Variants in OTUD1 observed in about 807,000 individuals in gnomAD.
OTUD1 encodes OTU deubiquitinase 1.
Under a neutral mutation model 30.0 loss-of-function variants are expected in OTUD1, and 15 were observed. The observed-to-expected ratio is 0.50, with a 90% confidence interval of 0.33 to 0.77. The LOEUF (loss-of-function observed/expected upper bound fraction) is 0.77. OTUD1 is among the 30% of genes least tolerant of loss of function. The pLI, the probability that OTUD1 is intolerant of heterozygous loss-of-function variation, is 0.02. For synonymous variants in OTUD1, 381 were observed against 326.3 expected, an observed-to-expected ratio of 1.17 and a Z score of -1.81; for missense variants, 796 against 697.8, an observed-to-expected ratio of 1.14 and a Z score of -1.59.
Position 23,440,783 on chromosome 10 carries a change from C to T in OTUD1, c.1326C>T (p.Asn442=). The change falls in exon 1 of 1, where the codon AAC becomes AAT. Residue 442 remains asparagine, a synonymous_variant. Coordinates refer to ENST00000376495, the MANE Select transcript of OTUD1 (RefSeq NM_001145373.3). ...YDAVFDHSYP[N]PEYDNWCKQT... ...CTGTATTTGATCACTCCTATCCTAA[C>T]CCAGAGTACGACAACTGGTGCAAAC... 1 of 1,552,206 alleles carries T rather than the reference C, an allele frequency of 6.4e-7. No individual in the cohort carries two copies. Among genetic ancestry groups the T allele is most frequent in the South Asian group, 1.2e-5 (1 of 84,064 alleles).
In OTUD1 at chr10:23,440,659, A is replaced by G; in HGVS notation, c.1202A>G (p.Glu401Gly). 6.4e-7 allele frequency: 1 copy of G among 1,551,810 alleles called. No individual in the cohort carries two copies. Among genetic ancestry groups the G allele is most frequent in the Non-Finnish European group, 8.7e-7 (1 of 1,147,022 alleles). The change falls in exon 1 of 1, where the codon GAG (glutamate) becomes GGG (glycine). Residue 401 changes from glutamate to glycine, a missense_variant. Physicochemically the swap from Glu to Gly is moderately conservative, Grantham distance 98. Coordinates refer to ENST00000376495, the MANE Select transcript of OTUD1 (RefSeq NM_001145373.3). Reference protein sequence around the residue: ...NIHLTTGGRLESPTVSTMIHY... With the variant: ...NIHLTTGGRLGSPTVSTMIHY... ...CATTTAACTACTGGAGGGAGGCTGG[A>G]GAGTCCCACGGTGTCTACCATGATT...
In OTUD1 at chr10:23,440,195, G is replaced by T; in HGVS notation, c.738G>T (p.Ala246=). The T allele has an allele frequency of 6.8e-7, 1 of 1,472,218 alleles. No homozygotes were observed. The allele number at this position is 1,472,218 out of a possible 1,614,324, so 91.2% of individuals were successfully genotyped here. The change falls in exon 1 of 1, where the codon GCG becomes GCT. Residue 246 remains alanine (A), a synonymous_variant. Transcript: ENST00000376495. Reference sequence around the variant, plus strand: ...AGAGGGGCGGCGATCGCTGCGACGCGCCCGGTGGGGACGCGGCGCGGAGGC... The same window carrying T: ...AGAGGGGCGGCGATCGCTGCGACGCTCCCGGTGGGGACGCGGCGCGGAGGC... ...GWERGGDRCD[A]PGGDAARRPD...
chr10:23,440,957 G>A lies in OTUD1; in HGVS notation c.*54G>A. ...TAATTGCATATATAACTTGTGTTTG[G>A]AGAATCACATGAACTTTAATCAGGG... On this transcript the variant is annotated 3_prime_UTR_variant, in exon 1 of 1. Transcript: ENST00000376495. The A allele has an allele frequency of 6.7e-7, 1 of 1,489,376 alleles. No homozygotes were observed. The highest frequency in any genetic ancestry group is 9.0e-7 in the Non-Finnish European group (1 of 1,112,024). 92.3% of individuals were successfully genotyped at this position (1,489,376 alleles called of 1,614,324 possible). A position where few individuals can be genotyped will look rare whatever the true frequency, so the allele number is the denominator to read the frequency against.
rs147006133 is a variant in OTUD1 at position 23,439,541 on chromosome 10, C to T, written c.84C>T (p.Ala28=). 8.4e-3 allele frequency: 11,663 copies of T among 1,380,678 alleles called. 99 individuals carry two copies. The highest frequency in any genetic ancestry group is 0.057 in the Middle Eastern group (214 of 3,742). 85.5% of individuals were successfully genotyped at this position (1,380,678 alleles called of 1,614,324 possible). A position where few individuals can be genotyped will look rare whatever the true frequency, so the allele number is the denominator to read the frequency against. Residue 28 remains alanine, a synonymous_variant, in exon 1 of 1, where the codon GCC becomes GCT. Coordinates refer to ENST00000376495, the MANE Select transcript of OTUD1 (RefSeq NM_001145373.3). ...PTAAAPAPPA[A]ATPFKVSLQP... ...CCGCCGCCCCCGCGCCACCCGCCGC[C>T]GCTACCCCCTTCAAGGTCTCGCTGC...
In OTUD1 at chr10:23,441,020, A is replaced by AG. The variant is rs762765813; in HGVS notation, c.*119dup. ...CAAACTTGCTAGTAGATTTTACTGT[A>AG]GGTGTAATGCCTTAATCATCTTTTT... On this transcript the variant is annotated 3_prime_UTR_variant, in exon 1 of 1. Coordinates refer to ENST00000376495, the MANE Select transcript of OTUD1 (RefSeq NM_001145373.3). 7 of 1,081,034 alleles carry AG rather than the reference A, an allele frequency of 6.5e-6. No homozygotes were observed. Among genetic ancestry groups the AG allele is most frequent in the Non-Finnish European group, 9.2e-6 (7 of 760,172 alleles). The allele number at this position is 1,081,034 out of a possible 1,614,324, so 67.0% of individuals were successfully genotyped here.
rs1194354857 is a variant in OTUD1, at chr10:23,440,541, G to A, written c.1084G>A (p.Val362Met). 1.3e-6 allele frequency: 2 copies of A among 1,551,720 alleles called. No homozygotes were observed. The highest frequency in any genetic ancestry group is 1.7e-6 in the Non-Finnish European group (2 of 1,147,010). Reference protein sequence around the residue: ...DHFSPLIEGDVGEFIIAAAQD... With the variant: ...DHFSPLIEGDMGEFIIAAAQD... ...CTTCAGCCCCCTGATTGAGGGCGAC[G>A]TGGGGGAGTTTATCATCGCTGCTGC... The change falls in exon 1 of 1, where the codon GTG becomes ATG. Residue 362 changes from valine (V) to methionine (M), a missense_variant. Physicochemically the swap from Val to Met is conservative, Grantham distance 21 (BLOSUM62 1). Coordinates refer to ENST00000376495, the MANE Select transcript of OTUD1 (RefSeq NM_001145373.3).
rs1847115476 is a variant in OTUD1, at chr10:23,440,441, G to C, written c.984G>C (p.Thr328=). ...GCCTCTACCGAGCTGTCAGCAAGACGGTGTATGGGGACCAGAGCCTGCACC... is the reference window on the plus strand; with the variant it reads ...GCCTCTACCGAGCTGTCAGCAAGACCGTGTATGGGGACCAGAGCCTGCACC... The part of the protein sequence containing the change: ...GNCLYRAVSK[T]VYGDQSLHRE... The change falls in exon 1 of 1, where the codon ACG becomes ACC. Residue 328 remains threonine (T), a synonymous_variant. Transcript: ENST00000376495. 1 of 1,551,734 alleles carries C rather than the reference G, an allele frequency of 6.4e-7. No homozygotes were observed. The highest frequency in any genetic ancestry group is 8.7e-7 in the Non-Finnish European group (1 of 1,147,002).
Position 23,439,785 on chromosome 10 carries a change from TCCACCGCACAGA to T in OTUD1, c.329_340del (p.Ser110_Ile114delinsPhe). On this transcript the variant is annotated inframe_deletion, in exon 1 of 1. Coordinates refer to ENST00000376495, the MANE Select transcript of OTUD1 (RefSeq NM_001145373.3). ...GCCGCCGCTGCCGCCGCACTACACG[TCCACCGCACAGA>T]TCACCGTGCGGGCCCTGGGCGCCGA... The T allele has an allele frequency of 1.6e-5, 18 of 1,150,906 alleles. No homozygotes were observed. The highest frequency in any genetic ancestry group is 1.9e-5 in the Non-Finnish European group (18 of 938,702). The allele number at this position is 1,150,906 out of a possible 1,614,324, so 71.3% of individuals were successfully genotyped here.
In OTUD1 at chr10:23,440,237, G is replaced by C. The variant is rs1452146909; in HGVS notation, c.780G>C (p.Glu260Asp). The C allele has an allele frequency of 1.9e-5, 29 of 1,540,520 alleles. No individual in the cohort carries two copies. Among genetic ancestry groups the C allele is most frequent in the Non-Finnish European group, 2.4e-5 (27 of 1,140,262 alleles). The change falls in exon 1 of 1, where the codon GAG becomes GAC. Residue 260 changes from glutamate (E) to aspartate (D), a missense_variant. Coordinates refer to ENST00000376495, the MANE Select transcript of OTUD1 (RefSeq NM_001145373.3). Reference sequence around the variant, plus strand: ...CGCGGAGGCCCGACCCAGAGGCCGAGGCACCCCCCGCCGGGAGCATCGAGG... The same window carrying C: ...CGCGGAGGCCCGACCCAGAGGCCGACGCACCCCCCGCCGGGAGCATCGAGG... ...DAARRPDPEA[E>D]APPAGSIEAA...
chr10:23,439,538 C>A lies in OTUD1; in HGVS notation c.81C>A (p.Ala27=). The A allele has an allele frequency of 2.2e-6, 3 of 1,361,582 alleles. No homozygotes were observed. The highest frequency in any genetic ancestry group is 2.8e-6 in the Non-Finnish European group (3 of 1,057,838). The allele number at this position is 1,361,582 out of a possible 1,614,324, so 84.3% of individuals were successfully genotyped here. The change falls in exon 1 of 1, where the codon GCC becomes GCA. Residue 27 remains alanine, a synonymous_variant. Transcript: ENST00000376495. ...CGGCCGCCGCCCCCGCGCCACCCGC[C>A]GCCGCTACCCCCTTCAAGGTCTCGC... The part of the protein sequence containing the change: ...GPTAAAPAPP[A]AATPFKVSLQ...
chr10:23,439,636 A>G lies in OTUD1; in HGVS notation c.179A>G (p.Glu60Gly), dbSNP rs2132479911. ...GAGTGCCAGCCCGCCGCGGCCGCCG[A>G]GCACCGGGAAGCCGCCGCTGTCCCC... The part of the protein sequence containing the change: ...TGECQPAAAA[E>G]HREAAAVPAA... The change falls in exon 1 of 1, where the codon GAG (glutamate) becomes GGG (glycine). Residue 60 changes from glutamate (E) to glycine (G), a missense_variant. Physicochemically the swap from Glu to Gly is moderately conservative, Grantham distance 98. Coordinates refer to ENST00000376495, the MANE Select transcript of OTUD1 (RefSeq NM_001145373.3). The G allele has an allele frequency of 7.7e-7, 1 of 1,292,444 alleles. No individual in the cohort carries two copies. The highest frequency in any genetic ancestry group is 9.8e-7 in the Non-Finnish European group (1 of 1,016,540). 80.1% of individuals were successfully genotyped at this position (1,292,444 alleles called of 1,614,324 possible).
At position 23,441,353 on chromosome 10, in the gene OTUD1, A is replaced by G. The variant is rs2132481362; in HGVS notation, c.*450A>G. The stretch of plus-strand genomic sequence containing the variant: ...TGTATTATTTTGAACAGAGTTTGTG[A>G]TTTGGTAGTTATTTTATGTTGTTGA... On this transcript the variant is annotated 3_prime_UTR_variant, in exon 1 of 1. Transcript: ENST00000376495. 1 of 170,174 alleles carries G rather than the reference A, an allele frequency of 5.9e-6. No individual in the cohort carries two copies. The highest frequency in any genetic ancestry group is 3.3e-3 in the Middle Eastern group (1 of 300). The allele number at this position is 170,174 out of a possible 1,614,324, so 10.5% of individuals were successfully genotyped here.
In OTUD1 at chr10:23,440,906, T is replaced by C. The variant is rs1409088505; in HGVS notation, c.*3T>C. ...TTGAACAAAATGCATGCTCTTGAAA[T>C]GTCTCAAAACCTTACACCCTGGGAA... is the stretch of plus-strand genomic sequence containing the variant. On this transcript the variant is annotated 3_prime_UTR_variant, in exon 1 of 1. Coordinates refer to ENST00000376495, the MANE Select transcript of OTUD1 (RefSeq NM_001145373.3). The C allele has an allele frequency of 1.9e-6, 3 of 1,548,774 alleles. No homozygotes were observed. The Middle Eastern group carries it at 5.0e-4, about 259-fold the overall frequency.
chr10:23,440,410 G>T lies in OTUD1; in HGVS notation c.953G>T (p.Gly318Val). ...TACCGATTCCACATCATTCCAGACG[G>T]CAACTGCCTCTACCGAGCTGTCAGC... Reference protein sequence around the residue: ...NKYRFHIIPDGNCLYRAVSKT... With the variant: ...NKYRFHIIPDVNCLYRAVSKT... The change falls in exon 1 of 1, where the codon GGC becomes GTC. Residue 318 changes from glycine (G) to valine (V), a missense_variant. Gly to Val is a moderately radical substitution (Grantham distance 109). Transcript: ENST00000376495. 1 of 1,551,654 alleles carries T rather than the reference G, an allele frequency of 6.4e-7. No individual in the cohort carries two copies. The highest frequency in any genetic ancestry group is 8.7e-7 in the Non-Finnish European group (1 of 1,147,004).
chr10:23,439,801 C>G lies in OTUD1; in HGVS notation c.344C>G (p.Thr115Ser). The G allele has an allele frequency of 8.8e-7, 1 of 1,133,526 alleles. No individual in the cohort carries two copies. The highest frequency in any genetic ancestry group is 1.1e-6 in the Non-Finnish European group (1 of 928,042). 70.2% of individuals were successfully genotyped at this position (1,133,526 alleles called of 1,614,324 possible). Residue 115 changes from threonine to serine, a missense_variant, in exon 1 of 1, where the codon ACC becomes AGC. Transcript: ENST00000376495. ...PPHYTSTAQI[T>S]VRALGADRLL... ...CACTACACGTCCACCGCACAGATCACCGTGCGGGCCCTGGGCGCCGACAGG... is the reference window on the plus strand; with the variant it reads ...CACTACACGTCCACCGCACAGATCAGCGTGCGGGCCCTGGGCGCCGACAGG...
In OTUD1 at chr10:23,442,011, T is replaced by C. The variant is rs1432399749; in HGVS notation, c.*1108T>C. ...AACAATGTTTCCAACTTAAAATCAA[T>C]CTCATTGCCACTTTAACTACTTTTA... On this transcript the variant is annotated 3_prime_UTR_variant, in exon 1 of 1. Transcript: ENST00000376495. 1 of 167,010 alleles carries C rather than the reference T, an allele frequency of 6.0e-6. No homozygotes were observed. The highest frequency in any genetic ancestry group is 1.5e-5 in the Non-Finnish European group (1 of 68,130). The allele number at this position is 167,010 out of a possible 1,614,324, so 10.3% of individuals were successfully genotyped here.
rs1047486128 is a variant in OTUD1, at chr10:23,439,700, G to T, written c.243G>T (p.Val81=). Residue 81 remains valine (V), a synonymous_variant, in exon 1 of 1, where the codon GTG becomes GTT. Coordinates refer to ENST00000376495, the MANE Select transcript of OTUD1 (RefSeq NM_001145373.3). The part of the protein sequence containing the change: ...KMPAFSSCFE[V]VSGAAAPASA... Reference sequence around the variant, plus strand: ...CCGCCTTCTCCTCCTGCTTCGAGGTGGTGTCCGGGGCCGCCGCGCCCGCCT... The same window carrying T: ...CCGCCTTCTCCTCCTGCTTCGAGGTTGTGTCCGGGGCCGCCGCGCCCGCCT... The T allele has an allele frequency of 3.0e-5, 38 of 1,252,076 alleles. No homozygotes were observed. Among genetic ancestry groups the T allele is most frequent in the Non-Finnish European group, 3.5e-5 (35 of 992,678 alleles). The allele number at this position is 1,252,076 out of a possible 1,614,324, so 77.6% of individuals were successfully genotyped here. A position where few individuals can be genotyped will look rare whatever the true frequency, so the allele number is the denominator to read the frequency against.
chr10:23,439,677 G>A lies in OTUD1; in HGVS notation c.220G>A (p.Ala74Thr), dbSNP rs1847104239. 5.4e-6 allele frequency: 7 copies of A among 1,291,380 alleles called. No individual in the cohort carries two copies. Among genetic ancestry groups the A allele is most frequent in the Non-Finnish European group, 6.9e-6 (7 of 1,012,050 alleles). 80.0% of individuals were successfully genotyped at this position (1,291,380 alleles called of 1,614,324 possible). A position where few individuals can be genotyped will look rare whatever the true frequency, so the allele number is the denominator to read the frequency against. Residue 74 changes from alanine to threonine, a missense_variant, in exon 1 of 1, where the codon GCC (alanine) becomes ACC (threonine). Physicochemically the swap from Ala to Thr is moderately conservative, Grantham distance 58. Transcript: ENST00000376495. ...CGCTGTCCCCGCCGCCAAGATGCCCGCCTTCTCCTCCTGCTTCGAGGTGGT... is the reference window on the plus strand; with the variant it reads ...CGCTGTCCCCGCCGCCAAGATGCCCACCTTCTCCTCCTGCTTCGAGGTGGT... Reference protein sequence around the residue: ...AAAVPAAKMPAFSSCFEVVSG... With the variant: ...AAAVPAAKMPTFSSCFEVVSG...
Position 23,439,437 on chromosome 10 carries a change from G to T in OTUD1, c.-21G>T. On this transcript the variant is annotated 5_prime_UTR_variant, in exon 1 of 1. Coordinates refer to ENST00000376495, the MANE Select transcript of OTUD1 (RefSeq NM_001145373.3). ...TCCGGGGCTCGCCGCGCCTATAAGG[G>T]GCCGAGCGGCGGGCAGGGACATGCA... The T allele has an allele frequency of 7.9e-7, 1 of 1,273,146 alleles. No homozygotes were observed. Among genetic ancestry groups the T allele is most frequent in the Non-Finnish European group, 9.9e-7 (1 of 1,012,062 alleles). 78.9% of individuals were successfully genotyped at this position (1,273,146 alleles called of 1,614,324 possible).
Sources: gnomAD v4.1 joint callset for allele counts on GRCh38, gnomAD v4.1.1 for gene constraint, MANE v1.5 for transcripts, NCBI Gene and HGNC (gene_info 2026-07-23, HGNC 2026-07-21) for gene names.